PPP2R2C: variants seen among roughly 807,000 people sequenced by gnomAD.
PPP2R2C encodes protein phosphatase 2 regulatory subunit Bgamma.
A neutral mutation model predicts 45.3 loss-of-function variants in PPP2R2C; 10 were observed. The ratio of observed to expected loss-of-function variants is 0.22; its 90% confidence interval spans 0.14 to 0.37. The LOEUF is 0.37. Among genes scored for constraint, PPP2R2C ranks in the 10% least tolerant of loss-of-function variants. PPP2R2C has a pLI of 1.00. For synonymous variants in PPP2R2C, 257 were observed against 245.4 expected (o/e 1.05, Z -0.44); for missense variants, 308 against 619.7 (o/e 0.50, Z 5.34).
intron 1 of PPP2R2C, among the ~76,000 whole-genome samples, chr4:6,546,058 G>A (rs1242199513): frequency 6.6e-6 from 1 of 152,224 alleles, no homozygotes; most frequent in Non-Finnish European, 1.5e-5. Flanking sequence ...GTGGCTAAAC[G>A]AGAAGGGCCC....
intron 1 of PPP2R2C, among the ~76,000 whole-genome samples, chr4:6,401,346 C>A (rs1020810324): frequency 1.3e-5 from 2 of 152,250 alleles, no homozygotes; most frequent in Non-Finnish European, 2.9e-5. Context: ...TTGTCAGGAA[C>A]CGTCTTTGGA....
At chr4:6,470,542 G>C (rs1057242059) in intron 1 of PPP2R2C, among the ~76,000 whole-genome samples, 1 of 152,214 alleles carries the variant, frequency 6.6e-6, no homozygotes, top group African/African-American at 2.4e-5. Context: ...GCTCCAGGAA[G>C]CCAGACCACA....
chr4:6,348,161 C>A (rs554101803), intron 5 of PPP2R2C, 151 bp from the exon 6 acceptor site: 1 of 879,908 alleles, frequency 1.1e-6, no homozygotes, highest in African/African-American at 1.7e-5. Flanking sequence ...ATGCGTCCCC[C>A]TGAGCTGCAG....
chr4:6,550,409 G>A (rs1725144637), intron 1 of PPP2R2C, among the ~76,000 whole-genome samples: 2 of 152,094 alleles, frequency 1.3e-5, no homozygotes, highest in South Asian at 2.1e-4. Context: ...TCCCGGGAAG[G>A]CTACGCCCAG....
intron 1 of PPP2R2C, among the ~76,000 whole-genome samples, chr4:6,401,575 C>T (rs1350796607): frequency 6.6e-6 from 1 of 152,108 alleles, no homozygotes; most frequent in Non-Finnish European, 1.5e-5. Context: ...AACACAGCAC[C>T]AAGACCTAAC....
At chr4:6,537,840 A>G (rs1173281309) in intron 1 of PPP2R2C, among the ~76,000 whole-genome samples, 1 of 152,046 alleles carries the variant, frequency 6.6e-6, no homozygotes. Context: ...GTGAGCCACC[A>G]CGCCCGGCCA....
rs550333948 is a variant in PPP2R2C, at chr4:6,419,319, G to A, written c.71-38225C>T. 1.1e-4 allele frequency among the ~76,000 whole-genome samples: 17 copies of A among 152,136 alleles called. No homozygotes were observed. The East Asian group carries it at 2.5e-3, about 23-fold the overall frequency. ...CATGTGCCTGTAATCCCAGCTACTC[G>A]GGAGGCTAAGGCAGGAGAATCGCTT... On this transcript the variant is annotated intron_variant, in intron 1 of 8. Transcript: ENST00000382599.
chr4:6,450,750 C>T (rs763458489), intron 1 of PPP2R2C, among the ~76,000 whole-genome samples: 4 of 152,174 alleles, frequency 2.6e-5, no homozygotes, highest in Non-Finnish European at 4.4e-5. Flanking sequence ...ACCCCCATTT[C>T]AGTTTCCTTC....
In PPP2R2C at chr4:6,527,365, G is replaced by C. The variant is rs372519531; in HGVS notation, c.49+7906C>G. Among the ~76,000 whole-genome samples, 316 of 152,274 alleles carry C rather than the reference G, an allele frequency of 2.1e-3. 3 individuals are homozygous for C. The highest frequency in any genetic ancestry group is 7.2e-3 in the African/African-American group (301 of 41,572). On this transcript the variant is annotated intron_variant, in intron 2 of 9. Coordinates refer to the PPP2R2C transcript ENST00000506140. The stretch of plus-strand genomic sequence containing the variant: ...GTCTGGTGTGAGATAAACCCACAGA[G>C]CTGCTGTGCACCCCTGAGCAGTGCC...
chr4:6,377,007 A>C (rs1437284741), intron 3 of PPP2R2C, among the ~76,000 whole-genome samples: 3 of 152,194 alleles, frequency 2.0e-5, no homozygotes, highest in Non-Finnish European at 4.4e-5. Context: ...CACAGGAGGG[A>C]TGCCTGGCTC....
chr4:6,432,765 A>G (rs1354617224), intron 1 of PPP2R2C, among the ~76,000 whole-genome samples: 1 of 152,244 alleles, frequency 6.6e-6, no homozygotes, highest in Non-Finnish European at 1.5e-5. Context: ...AAGTTAGGAA[A>G]AAATCTTTAG....
At chr4:6,511,485 GTT>G (rs1723478456) in intron 2 of PPP2R2C, among the ~76,000 whole-genome samples, 1 of 121,682 alleles carries the variant, frequency 8.2e-6, no homozygotes, top group Non-Finnish European at 1.7e-5. Flanking sequence ...TGATGGCGGT[GTT>G]GGTGGTGATG....
intron 1 of PPP2R2C, among the ~76,000 whole-genome samples, chr4:6,425,937 G>A (rs1023317918): frequency 6.6e-6 from 1 of 152,028 alleles, no homozygotes; most frequent in South Asian, 2.1e-4. Flanking sequence ...TGTGTGTTGC[G>A]GGGAGAGGCA....
intron 6 of PPP2R2C, among the ~76,000 whole-genome samples, chr4:6,346,376 C>A (rs1423385145): frequency 2.6e-5 from 4 of 152,176 alleles, no homozygotes; most frequent in Non-Finnish European, 5.9e-5. Context: ...CAGAGATCGG[C>A]ACCACCCACC....
rs1731550502 is a variant in PPP2R2C, at chr4:6,321,505, T to C, written c.*1797A>G. 1 of 152,464 alleles carries C rather than the reference T, an allele frequency of 6.6e-6. No homozygotes were observed. The highest frequency in any genetic ancestry group is 2.4e-5 in the African/African-American group (1 of 41,450). 9.4% of individuals were successfully genotyped at this position (152,464 alleles called of 1,614,324 possible). On this transcript the variant is annotated 3_prime_UTR_variant, in exon 9 of 9. Coordinates refer to ENST00000382599, the MANE Select transcript of PPP2R2C (RefSeq NM_020416.4). ...TTCACGTTGATTAAAAAAAAATCAA[T>C]GATCCATTTCCCTGTGTAAATGTTA...
At chr4:6,472,024 G>GTGGGATGGGGTGGGGTGGGA in intron 1 of PPP2R2C, 136 bp downstream of exon 1, 3 of 1,074,968 alleles carry the variant, frequency 2.8e-6, no homozygotes, top group Non-Finnish European at 3.9e-6. Context: ...GTGGGGTGGG[G>GTGGGATGGGGTGGGGTGGGA]TGGGATGGGG....
intron 2 of PPP2R2C, among the ~76,000 whole-genome samples, chr4:6,526,083 C>A (rs1724189941): frequency 6.6e-6 from 1 of 152,192 alleles, no homozygotes; most frequent in Admixed American, 6.5e-5. Context: ...CTCTTCCCGT[C>A]CTCTGCTTCA....
rs891685746 is a variant in PPP2R2C at position 6,371,901 on chromosome 4, C to G, written c.625+622G>C. On this transcript the variant is annotated intron_variant, in intron 5 of 8. Transcript: ENST00000382599. ...CCTGCCTGCCCGCCCACCAGCCCCCCGGCAGGCCAAGCCTCGCCCTGCCTG... is the reference window on the plus strand; with the variant it reads ...CCTGCCTGCCCGCCCACCAGCCCCCGGGCAGGCCAAGCCTCGCCCTGCCTG... Among the ~76,000 whole-genome samples, 5 of 152,206 alleles carry G rather than the reference C, an allele frequency of 3.3e-5. No homozygotes were observed. The South Asian group carries it at 8.3e-4, about 25-fold the overall frequency.
intron 1 of PPP2R2C, among the ~76,000 whole-genome samples, chr4:6,541,562 G>C (rs1007364989): frequency 1.3e-5 from 2 of 151,828 alleles, no homozygotes; most frequent in African/African-American, 2.4e-5. Flanking sequence ...TTGTTTGTTT[G>C]GTGAGACAGA....
Sources: allele counts gnomAD v4.1 joint callset (sites outside exome capture counted in the v4.1 genomes callset), GRCh38; gene constraint gnomAD v4.1.1; transcripts MANE v1.5; gene names NCBI Gene and HGNC (gene_info 2026-07-23, HGNC 2026-07-21).